The following RALYL variants were observed in gnomAD, a reference collection of about 807,000 sequenced individuals.
RALYL encodes RALY RNA binding protein like.
A neutral mutation model predicts 35.1 loss-of-function variants in RALYL; 29 were observed. The observed-to-expected ratio is 0.83, with a 90% CI of 0.61 to 1.13. The LOEUF is 1.13. RALYL is among the 50% of genes most tolerant of loss of function. The probability of loss-of-function intolerance (pLI) is 0.00; values close to 1 mark genes in which losing one functional copy is unlikely to be tolerated. For missense variants in RALYL, 359 were observed against 360.4 expected (o/e 1.00, Z 0.03); for synonymous variants, 120 against 127.6 (o/e 0.94, Z 0.40).
At chr8:84,474,852 G>A (rs1480291669) in intron 1 of RALYL, among the ~76,000 whole-genome samples, 2 of 152,156 alleles carry the variant, frequency 1.3e-5, no homozygotes, top group Non-Finnish European at 2.9e-5. Context: ...AATCACAAGT[G>A]TAACTGCAAT....
rs566086598 is a variant in RALYL, at chr8:84,620,607, C to T, written c.256+91030C>T. Among the ~76,000 whole-genome samples the T allele has an allele frequency of 2.9e-3, 436 of 152,340 alleles. 2 individuals are homozygous for T. The highest frequency in any genetic ancestry group is 4.7e-3 in the Non-Finnish European group (323 of 68,032). ...CTTCTCTCAGCTCGTCAAAGTCATT[C>T]TCCATCCAGTTTTGTTCCATTGCTG... On this transcript the variant is annotated intron_variant, in intron 2 of 8. Transcript: ENST00000521268.
rs530693639 is a variant in RALYL at position 84,729,861 on chromosome 8, A to G, written c.257-44718A>G. Among the ~76,000 whole-genome samples, 8 of 152,290 alleles carry G rather than the reference A, an allele frequency of 5.3e-5. No homozygotes were observed. In the South Asian group the frequency reaches 8.3e-4, roughly 16 times the overall value. On this transcript the variant is annotated intron_variant, in intron 2 of 8. Coordinates refer to ENST00000521268, the MANE Select transcript of RALYL (RefSeq NM_173848.7). ...AGAATTTGAATCTCTGAATAGACCA[A>G]TAACAGGATCTGAAATTGTGGCAAT...
intron 1 of RALYL, among the ~76,000 whole-genome samples, chr8:84,362,698 C>T (rs1853309325): frequency 6.6e-6 from 1 of 152,078 alleles, no homozygotes; most frequent in Non-Finnish European, 1.5e-5. Context: ...ACCCCTAGTC[C>T]ATAGAAAAAT....
At chr8:84,267,026 T>G (rs1347039394) in intron 1 of RALYL, among the ~76,000 whole-genome samples, 1 of 151,658 alleles carries the variant, frequency 6.6e-6, no homozygotes, top group East Asian at 1.9e-4. Context: ...TGATGAGTAT[T>G]CAGGGACTTA....
intron 7 of RALYL, among the ~76,000 whole-genome samples, chr8:84,877,724 T>C (rs1363867477): frequency 6.6e-6 from 1 of 152,122 alleles, no homozygotes; most frequent in Non-Finnish European, 1.5e-5. Flanking sequence ...TTTTGCACCT[T>C]AAACTATTGC....
intron 1 of RALYL, among the ~76,000 whole-genome samples, chr8:84,258,229 G>A (rs1359493954): frequency 6.6e-6 from 1 of 152,088 alleles, no homozygotes; most frequent in African/African-American, 2.4e-5. Context: ...ATTTAGATGA[G>A]CACAGATAAC....
At chr8:84,333,087 T>A (rs1252588788) in intron 1 of RALYL, among the ~76,000 whole-genome samples, 1 of 152,178 alleles carries the variant, frequency 6.6e-6, no homozygotes, top group Non-Finnish European at 1.5e-5. Context: ...CCATTTACAT[T>A]TGGTTATGTC....
At chr8:84,650,938 G>A (rs1588759166) in intron 2 of RALYL, among the ~76,000 whole-genome samples, 1 of 152,030 alleles carries the variant, frequency 6.6e-6, no homozygotes, top group Non-Finnish European at 1.5e-5. Context: ...GGATGAAATT[G>A]GAAATCATCA....
chr8:84,784,613 A>G (rs1310360986), intron 3 of RALYL, among the ~76,000 whole-genome samples: 1 of 152,210 alleles, frequency 6.6e-6, no homozygotes, highest in Non-Finnish European at 1.5e-5. Flanking sequence ...AGTGGCTTAT[A>G]GGTTTTTTAA....
intron 1 of RALYL, among the ~76,000 whole-genome samples, chr8:84,291,695 G>C (rs1031713608): frequency 6.6e-5 from 10 of 151,812 alleles, no homozygotes; most frequent in Admixed American, 2.6e-4. Context: ...AGTTTCAAGA[G>C]AGCTTATTGT....
intron 2 of RALYL, among the ~76,000 whole-genome samples, chr8:84,585,588 T>C (rs1308346745): frequency 2.0e-5 from 3 of 152,158 alleles, no homozygotes; most frequent in Admixed American, 6.5e-5. Context: ...AGAAAATGCT[T>C]CCTCAGTGAC....
At chr8:84,444,219 C>A (rs1297092359) in intron 1 of RALYL, among the ~76,000 whole-genome samples, 1 of 151,956 alleles carries the variant, frequency 6.6e-6, no homozygotes, top group Non-Finnish European at 1.5e-5. Flanking sequence ...GTCCTAGATG[C>A]TTGCGAAGCT....
At chr8:84,280,757 A>G (rs2132075096) in intron 1 of RALYL, among the ~76,000 whole-genome samples, 1 of 150,060 alleles carries the variant, frequency 6.7e-6, no homozygotes, top group East Asian at 1.9e-4. Context: ...ACATATATAA[A>G]TATATATAAT....
In RALYL at chr8:84,425,946, A is replaced by G. The variant is rs181463295; in HGVS notation, c.-23-103353A>G. Among the ~76,000 whole-genome samples the G allele has an allele frequency of 1.1e-4, 16 of 152,188 alleles. No homozygotes were observed. The East Asian group carries it at 2.7e-3, about 26-fold the overall frequency. ...TGGGTTCATTGGAACTAGGAAATAAAGAGTATATATATTATCTAAAATAGA... is the reference window on the plus strand; with the variant it reads ...TGGGTTCATTGGAACTAGGAAATAAGGAGTATATATATTATCTAAAATAGA... On this transcript the variant is annotated intron_variant, in intron 1 of 8. Transcript: ENST00000521268.
intron 8 of RALYL, among the ~76,000 whole-genome samples, chr8:84,914,529 A>G (rs558413398): frequency 1.3e-5 from 2 of 152,152 alleles, no homozygotes; most frequent in African/African-American, 4.8e-5. Flanking sequence ...AATAAGAGAA[A>G]TGTTAATGTA....
intron 2 of RALYL, among the ~76,000 whole-genome samples, chr8:84,586,885 C>G (rs775614768): frequency 3.9e-5 from 6 of 152,114 alleles, no homozygotes; most frequent in Non-Finnish European, 8.8e-5. Context: ...TGTGTGTGCT[C>G]TCTACATCAC....
rs115415859 is a variant in RALYL, at chr8:84,781,830, C to T, written c.332+7176C>T. 3.7e-3 allele frequency among the ~76,000 whole-genome samples: 567 copies of T among 152,044 alleles called. 1 individual carries two copies. Among genetic ancestry groups the T allele is most frequent in the African/African-American group, 6.8e-3 (281 of 41,470 alleles). On this transcript the variant is annotated intron_variant, in intron 3 of 8. Coordinates refer to ENST00000521268, the MANE Select transcript of RALYL (RefSeq NM_173848.7). ...GCCATGTGATTCATGGTAGTCAAGG[C>T]GAAAACAGGAGCAAAATAATCTATG...
intron 1 of RALYL, among the ~76,000 whole-genome samples, chr8:84,265,132 T>G (rs1387563181): frequency 1.3e-5 from 2 of 152,230 alleles, no homozygotes. Flanking sequence ...TTCATAGTCC[T>G]TGTTGGTGTA....
chr8:84,332,024 T>A (rs1216532304), intron 1 of RALYL, among the ~76,000 whole-genome samples: 1 of 152,156 alleles, frequency 6.6e-6, no homozygotes, highest in Non-Finnish European at 1.5e-5. Context: ...AACAACCCCA[T>A]CCTGCCAACA....
Sources: allele counts gnomAD v4.1 joint callset (sites outside exome capture counted in the v4.1 genomes callset), GRCh38; gene constraint gnomAD v4.1.1; transcripts MANE v1.5; gene names NCBI Gene and HGNC (gene_info 2026-07-23, HGNC 2026-07-21).